The following IL1RAPL1 variants were observed in gnomAD, a reference collection of about 807,000 sequenced individuals.
IL1RAPL1 encodes the protein interleukin 1 receptor accessory protein like 1.
Under a neutral mutation model 48.4 loss-of-function variants are expected in IL1RAPL1, and 3 were observed. The ratio of observed to expected loss-of-function variants is 0.06; its 90% CI spans 0.03 to 0.16. The LOEUF is 0.16. Ranked by LOEUF, IL1RAPL1 falls within the 10% of genes least tolerant of loss-of-function variation. The pLI is 1.00. For missense variants in IL1RAPL1, 349 were observed against 530.6 expected, an observed-to-expected ratio of 0.66 and a Z score of 3.36; for synonymous variants, 185 against 187.7, an observed-to-expected ratio of 0.99 and a Z score of 0.12.
chrX:29,366,729 C>T (rs944587742), intron 3 of IL1RAPL1, among the ~76,000 whole-genome samples: 1 of 107,997 alleles, frequency 9.3e-6, no homozygotes, highest in Non-Finnish European at 1.9e-5. Flanking sequence ...GCACCACGCC[C>T]GGCTAATTTT....
intron 2 of IL1RAPL1, among the ~76,000 whole-genome samples, chrX:28,880,024 C>T (rs1922466386): frequency 9.0e-6 from 1 of 111,727 alleles, no homozygotes; most frequent in Non-Finnish European, 1.9e-5. Context: ...GACCTTGCTG[C>T]GAGATCCTGC....
At chrX:28,600,616 G>A (rs1934013491) in intron 1 of IL1RAPL1, among the ~76,000 whole-genome samples, 1 of 110,870 alleles carries the variant, frequency 9.0e-6, no homozygotes, top group Non-Finnish European at 1.9e-5. Flanking sequence ...CCAGGCTACA[G>A]AGGAATATTG....
At chrX:29,260,598 G>A (rs987455045) in intron 2 of IL1RAPL1, among the ~76,000 whole-genome samples, 1 of 111,667 alleles carries the variant, frequency 9.0e-6, no homozygotes, top group African/African-American at 3.3e-5. Flanking sequence ...ACAATTCAAG[G>A]TGAGATTTGA....
intron 3 of IL1RAPL1, among the ~76,000 whole-genome samples, chrX:29,321,005 C>T (rs748057885): frequency 2.1e-3 from 235 of 110,909 alleles, no homozygotes; most frequent in African/African-American, 7.2e-3. Flanking sequence ...GCCTAAACTA[C>T]ATAACGTCTG....
rs202084862 is a variant in IL1RAPL1 at position 29,855,138 on chromosome X, AATTG to A, written c.779-62319_779-62316del. ...CCAAGCCATTGAATCATTAAGACAG[AATTG>A]ATTGATAAAAGGATTTGTGTTTATT... On this transcript the variant is annotated intron_variant, in intron 6 of 10. Coordinates refer to ENST00000378993, the MANE Select transcript of IL1RAPL1 (RefSeq NM_014271.4). Among the ~76,000 whole-genome samples the A allele has an allele frequency of 9.0e-3, 1,002 of 111,778 alleles. 12 individuals are homozygous for A. The highest frequency in any genetic ancestry group is 0.03 in the African/African-American group (913 of 30,762).
chrX:29,942,126 T>G (rs1392660731), intron 9 of IL1RAPL1, among the ~76,000 whole-genome samples: 1 of 111,959 alleles, frequency 8.9e-6, no homozygotes, highest in Non-Finnish European at 1.9e-5. Context: ...CAGTTTTACT[T>G]TTTTTTAGGT....
Position 29,052,774 on chromosome X carries a change from C to T in IL1RAPL1, c.83-230164C>T, listed in dbSNP as rs1315600558. On this transcript the variant is annotated intron_variant, in intron 2 of 10. Transcript: ENST00000378993. The stretch of plus-strand genomic sequence containing the variant: ...GCAACCGCCGCCTCCCGGGTTCAAG[C>T]GATTCTCCTGCCTCAGCCTCCTGAG... Among the ~76,000 whole-genome samples the T allele has an allele frequency of 4.0e-4, 45 of 111,494 alleles. 1 individual carries two copies. Among genetic ancestry groups the T allele is most frequent in the East Asian group, 2.8e-4 (1 of 3,554 alleles).
chrX:29,848,503 C>T (rs1569184885), intron 6 of IL1RAPL1, among the ~76,000 whole-genome samples: 1 of 110,330 alleles, frequency 9.1e-6, no homozygotes, highest in Non-Finnish European at 1.9e-5. Context: ...TTGTGCAGAG[C>T]AGCTTATCCC....
At chrX:29,133,275 A>G (rs1248108682) in intron 2 of IL1RAPL1, among the ~76,000 whole-genome samples, 1 of 111,793 alleles carries the variant, frequency 8.9e-6, no homozygotes. Flanking sequence ...GTTGTATAAA[A>G]GTGACACACC....
chrX:29,333,439 C>T (rs1932914925), intron 3 of IL1RAPL1, among the ~76,000 whole-genome samples: 1 of 77,393 alleles, frequency 1.3e-5, no homozygotes, highest in Non-Finnish European at 2.7e-5. Context: ...GACGGGGCGG[C>T]TGGCCGGGCA....
intron 2 of IL1RAPL1, among the ~76,000 whole-genome samples, chrX:28,966,163 T>C (rs1174890981): frequency 8.9e-6 from 1 of 112,254 alleles, no homozygotes; most frequent in Non-Finnish European, 1.9e-5. Context: ...AATAAGCCAA[T>C]CTTTAGCATT....
chrX:28,611,077 T>G (rs1200540571), intron 1 of IL1RAPL1, among the ~76,000 whole-genome samples: 1 of 111,564 alleles, frequency 9.0e-6, no homozygotes, highest in Non-Finnish European at 1.9e-5. Flanking sequence ...ATCCCTGAGT[T>G]AGTGTTCTCC....
intron 1 of IL1RAPL1, among the ~76,000 whole-genome samples, chrX:28,666,244 C>G (rs1443941524): frequency 1.8e-5 from 2 of 111,962 alleles, no homozygotes; most frequent in Admixed American, 9.5e-5. Context: ...ATCCAAATAA[C>G]CCAACCCTTA....
intron 2 of IL1RAPL1, among the ~76,000 whole-genome samples, chrX:28,957,047 C>T (rs1201757690): frequency 1.7e-4 from 19 of 110,538 alleles, no homozygotes; most frequent in Non-Finnish European, 3.0e-4. Flanking sequence ...AGTTTATTTG[C>T]GTAGAGGTGT....
chrX:28,764,853 C>T (rs752142628), intron 1 of IL1RAPL1, among the ~76,000 whole-genome samples: 10 of 110,395 alleles, frequency 9.1e-5, no homozygotes, highest in African/African-American at 3.0e-4. Context: ...CCCATGCTCA[C>T]GTATGTTTAT....
intron 5 of IL1RAPL1, among the ~76,000 whole-genome samples, chrX:29,562,593 A>AAAG (rs1347862122): frequency 8.9e-6 from 1 of 112,150 alleles, no homozygotes; most frequent in Non-Finnish European, 1.9e-5. Context: ...TAAAAGACAA[A>AAAG]AAGATGAGCT....
At chrX:29,031,290 A>G (rs1292032203) in intron 2 of IL1RAPL1, among the ~76,000 whole-genome samples, 2 of 112,309 alleles carry the variant, frequency 1.8e-5, no homozygotes, top group African/African-American at 6.4e-5. Context: ...GTTCAGCACA[A>G]TCGTTGCCAA....
chrX:29,901,210 A>G (rs1932489519), intron 6 of IL1RAPL1, among the ~76,000 whole-genome samples: 1 of 111,979 alleles, frequency 8.9e-6, no homozygotes, highest in Non-Finnish European at 1.9e-5. Context: ...ACCCGGTCTC[A>G]GGCACATGGC....
chrX:29,186,371 T>C (rs1602102122), intron 2 of IL1RAPL1, among the ~76,000 whole-genome samples: 1 of 111,871 alleles, frequency 8.9e-6, no homozygotes, highest in Non-Finnish European at 1.9e-5. Context: ...AGAAATGAGT[T>C]TGACACCTTG....
Sources: allele counts gnomAD v4.1 joint callset (sites outside exome capture counted in the v4.1 genomes callset), GRCh38; gene constraint gnomAD v4.1.1; transcripts MANE v1.5; gene names NCBI Gene and HGNC (gene_info 2026-07-23, HGNC 2026-07-21).